The following CDH12 variants were observed in gnomAD, a reference collection of about 807,000 sequenced individuals.
CDH12 encodes the protein cadherin-12.
A neutral mutation model predicts 74.1 loss-of-function variants in CDH12; 41 were observed. That is an observed-to-expected ratio of 0.55 (90% CI 0.43 to 0.72). The LOEUF (loss-of-function observed/expected upper bound fraction) is 0.72. Ranked by LOEUF, CDH12 falls within the 30% of genes least tolerant of loss-of-function variation. CDH12 has a pLI of 0.00. For missense variants in CDH12, 945 were observed against 977.2 expected (o/e 0.97, Z 0.44); for synonymous variants, 399 against 355.0 (o/e 1.12, Z -1.39).
At chr5:22,361,260 A>G (rs1355575189) in intron 3 of CDH12, among the ~76,000 whole-genome samples, 5 of 152,166 alleles carry the variant, frequency 3.3e-5, no homozygotes, top group Non-Finnish European at 7.3e-5. Context: ...ATGTGCAAAA[A>G]TCACAAGCAT....
intron 4 of CDH12, among the ~76,000 whole-genome samples, chr5:22,153,903 T>TATACACACACACACAC: frequency 9.0e-6 from 1 of 111,146 alleles, no homozygotes; most frequent in Non-Finnish European, 1.9e-5. Context: ...TATATATATA[T>TATACACACACACACAC]ACACACACAT....
At position 21,768,315 on chromosome 5, in the gene CDH12, T is replaced by C. The variant is rs541091628; in HGVS notation, c.1394-3216A>G. Among the ~76,000 whole-genome samples, 12 of 151,958 alleles carry C rather than the reference T, an allele frequency of 7.9e-5. No homozygotes were observed. The South Asian group carries it at 2.5e-3, about 31-fold the overall frequency. ...TATACCTTCACAATGCTTTGTTAGATCTTCCTCTCTCTATCTTTCAATAAT... is the reference window on the plus strand; with the variant it reads ...TATACCTTCACAATGCTTTGTTAGACCTTCCTCTCTCTATCTTTCAATAAT... On this transcript the variant is annotated intron_variant, in intron 11 of 14. Transcript: ENST00000382254.
intron 2 of CDH12, among the ~76,000 whole-genome samples, chr5:22,412,053 C>T (rs149223368): frequency 4.4e-4 from 67 of 152,094 alleles, no homozygotes; most frequent in African/African-American, 1.6e-3. Flanking sequence ...TTTATTCCTA[C>T]ACCATCATAG....
At chr5:22,447,142 T>C (rs1744846462) in intron 2 of CDH12, among the ~76,000 whole-genome samples, 1 of 152,168 alleles carries the variant, frequency 6.6e-6, no homozygotes, top group Non-Finnish European at 1.5e-5. Context: ...GTCATTCTTC[T>C]TGTATAAGGG....
chr5:22,646,178 A>C (rs182573577), intron 1 of CDH12, among the ~76,000 whole-genome samples: 2 of 152,010 alleles, frequency 1.3e-5, no homozygotes, highest in South Asian at 2.1e-4. Flanking sequence ...AGACTCATTG[A>C]TAATAAGAAA....
intron 2 of CDH12, among the ~76,000 whole-genome samples, chr5:22,431,130 G>C (rs933768733): frequency 6.6e-6 from 1 of 152,120 alleles, no homozygotes; most frequent in African/African-American, 2.4e-5. Flanking sequence ...CGTCATCCAA[G>C]TTAAATGGGA....
intron 10 of CDH12, among the ~76,000 whole-genome samples, chr5:21,790,128 T>C (rs1746409634): frequency 1.3e-5 from 2 of 152,052 alleles, no homozygotes; most frequent in African/African-American, 4.8e-5. Flanking sequence ...CCAGATAAGA[T>C]TGGGAAAATT....
intron 1 of CDH12, among the ~76,000 whole-genome samples, chr5:22,824,925 G>A (rs901928089): frequency 3.3e-5 from 5 of 151,314 alleles, no homozygotes; most frequent in East Asian, 1.9e-4. Flanking sequence ...GAAAGTTAAA[G>A]GATACATATA....
intron 1 of CDH12, among the ~76,000 whole-genome samples, chr5:22,818,380 C>T (rs1368911417): frequency 3.3e-5 from 5 of 152,090 alleles, no homozygotes; most frequent in African/African-American, 4.8e-5. Flanking sequence ...TTTCCCTCCA[C>T]CCACTATCTC....
intron 1 of CDH12, among the ~76,000 whole-genome samples, chr5:22,736,792 A>G (rs2127011529): frequency 6.6e-6 from 1 of 151,944 alleles, no homozygotes; most frequent in South Asian, 2.1e-4. Context: ...GGCTACATTC[A>G]CATTATCCTT....
chr5:22,693,530 A>C (rs989002509), intron 1 of CDH12, among the ~76,000 whole-genome samples: 1 of 152,194 alleles, frequency 6.6e-6, no homozygotes, highest in Non-Finnish European at 1.5e-5. Context: ...TCTTTTAAAA[A>C]TAACAATGAT....
intron 9 of CDH12, among the ~76,000 whole-genome samples, chr5:21,807,436 G>T (rs1747493591): frequency 6.6e-6 from 1 of 152,030 alleles, no homozygotes; most frequent in South Asian, 2.1e-4. Flanking sequence ...CTGTGCAATG[G>T]GCAGGAAGAG....
intron 2 of CDH12, among the ~76,000 whole-genome samples, chr5:22,465,047 A>G: frequency 9.3e-6 from 1 of 107,222 alleles, no homozygotes; most frequent in Non-Finnish European, 1.9e-5. Context: ...GGGGGAAGGG[A>G]GGAAGGGAGG....
At chr5:22,117,088 T>A (rs1745162421) in intron 4 of CDH12, among the ~76,000 whole-genome samples, 1 of 150,676 alleles carries the variant, frequency 6.6e-6, no homozygotes, top group South Asian at 2.1e-4. Flanking sequence ...TTTACTGGAG[T>A]TCGTAAACTC....
chr5:22,517,243 G>C (rs1052118263), intron 1 of CDH12, among the ~76,000 whole-genome samples: 3 of 151,942 alleles, frequency 2.0e-5, no homozygotes, highest in Non-Finnish European at 2.9e-5. Flanking sequence ...TTGAAAATTA[G>C]AGTTGGCTTT....
chr5:22,442,115 T>C (rs1208585137), intron 2 of CDH12, among the ~76,000 whole-genome samples: 2 of 152,206 alleles, frequency 1.3e-5, no homozygotes, highest in Non-Finnish European at 1.5e-5. Context: ...ATCCTATGAC[T>C]GACTAAAAGT....
In CDH12 at chr5:22,498,182, A is replaced by G. The variant is rs75823155; in HGVS notation, c.-428+7088T>C. ...ATATTTTCAGAATTTGCAAACTACC[A>G]TTTCCCCTTCTCTGTACAACACAGA... On this transcript the variant is annotated intron_variant, in intron 2 of 14. Coordinates refer to ENST00000382254, the MANE Select transcript of CDH12 (RefSeq NM_004061.5). 2.5e-3 allele frequency among the ~76,000 whole-genome samples: 384 copies of G among 152,202 alleles called. 1 individual carries two copies. Among genetic ancestry groups the G allele is most frequent in the African/African-American group, 8.9e-3 (369 of 41,538 alleles).
intron 6 of CDH12, among the ~76,000 whole-genome samples, chr5:21,961,699 A>G (rs985910133): frequency 6.6e-5 from 10 of 152,190 alleles, no homozygotes; most frequent in Admixed American, 6.5e-4. Context: ...GAAGAAAGCC[A>G]TCTAAAAGCC....
chr5:22,108,507 C>T (rs751014846), intron 4 of CDH12, among the ~76,000 whole-genome samples: 3 of 152,174 alleles, frequency 2.0e-5, no homozygotes, highest in Non-Finnish European at 4.4e-5. Context: ...TTTTTAGACA[C>T]GTGAAGGCGT....
Sources: allele counts gnomAD v4.1 joint callset (sites outside exome capture counted in the v4.1 genomes callset), GRCh38; gene constraint gnomAD v4.1.1; transcripts MANE v1.5; gene names NCBI Gene and HGNC (gene_info 2026-07-23, HGNC 2026-07-21).